Variants in MCTP2 observed in about 807,000 individuals in gnomAD.
MCTP2 encodes the protein multiple C2 and transmembrane domain-containing protein 2.
A neutral mutation model predicts 111.6 loss-of-function variants in MCTP2; 132 were observed. The observed-to-expected ratio is 1.18, with a 90% confidence interval of 1.03 to 1.37. The LOEUF is 1.37. MCTP2 is among the 40% of genes most tolerant of loss of function. The pLI is 0.00. For missense variants in MCTP2, 1,183 were observed against 1,067.9 expected, an observed-to-expected ratio of 1.11 and a Z score of -1.50; for synonymous variants, 395 against 387.7, an observed-to-expected ratio of 1.02 and a Z score of -0.22.
chr15:94,250,629 G>A (rs1355237587), intron 1 of MCTP2, among the ~76,000 whole-genome samples: 1 of 152,134 alleles, frequency 6.6e-6, no homozygotes. Context: ...TCTATTAGCT[G>A]AACAGCAGTC....
chr15:94,451,190 A>G (rs2152520449), intron 19 of MCTP2, among the ~76,000 whole-genome samples: 1 of 152,352 alleles, frequency 6.6e-6, no homozygotes, highest in South Asian at 2.1e-4. Context: ...ATAATGAAAA[A>G]TGGTGGGCTT....
intron 1 of MCTP2, among the ~76,000 whole-genome samples, chr15:94,270,004 A>G (rs8023879): frequency 0.43 from 65,532 of 151,978 alleles, 14,463 homozygotes; most frequent in Admixed American, 0.51. Flanking sequence ...AAATAACAGA[A>G]GCAGGGCACA....
intron 21 of MCTP2, among the ~76,000 whole-genome samples, chr15:94,471,455 T>C (rs1031524931): frequency 1.3e-5 from 2 of 152,136 alleles, no homozygotes; most frequent in African/African-American, 4.8e-5. Context: ...TCCAACAAAG[T>C]AGAATCCTGC....
intron 17 of MCTP2, among the ~76,000 whole-genome samples, chr15:94,436,415 T>A (rs1339455256): frequency 6.6e-6 from 1 of 152,224 alleles, no homozygotes; most frequent in Non-Finnish European, 1.5e-5. Flanking sequence ...CCTTGAAAGA[T>A]GTTTGTTAGG....
intron 4 of MCTP2, among the ~76,000 whole-genome samples, chr15:94,334,003 T>C (rs1417335652): frequency 3.9e-5 from 6 of 152,156 alleles, no homozygotes; most frequent in African/African-American, 1.4e-4. Context: ...AGAAATACTA[T>C]AGAAACAAAT....
intron 4 of MCTP2, among the ~76,000 whole-genome samples, chr15:94,323,812 G>T (rs1039258835): frequency 1.3e-5 from 2 of 152,110 alleles, no homozygotes; most frequent in Non-Finnish European, 2.9e-5. Context: ...CCTGTGTGTT[G>T]TGTTCATCTG....
chr15:94,319,068 C>A (rs932767128), intron 4 of MCTP2, among the ~76,000 whole-genome samples: 2 of 146,058 alleles, frequency 1.4e-5, no homozygotes, highest in Admixed American at 6.9e-5. Flanking sequence ...TTTGGGGATG[C>A]TTTATTGTTA....
rs764601013 is a variant in MCTP2 at position 94,242,943 on chromosome 15, GTAGA to G, written c.-66+11282_-66+11285del. On this transcript the variant is annotated intron_variant, in intron 1 of 22. Coordinates refer to ENST00000357742, the MANE Select transcript of MCTP2 (RefSeq NM_001385001.1). ...CACGTACACATATACACGTGTATAT[GTAGA>G]TACACATATACACGTGTATATGTGT... Among the ~76,000 whole-genome samples, 4 of 135,510 alleles carry G rather than the reference GTAGA, an allele frequency of 3.0e-5. 1 individual carries two copies. Among genetic ancestry groups the G allele is most frequent in the Non-Finnish European group, 6.5e-5 (4 of 61,246 alleles). 88.9% of individuals were successfully genotyped at this position (135,510 alleles called of 152,430 possible).
At chr15:94,234,860 A>G (rs1260725454) in intron 1 of MCTP2, among the ~76,000 whole-genome samples, 1 of 152,294 alleles carries the variant, frequency 6.6e-6, no homozygotes, top group East Asian at 1.9e-4. Flanking sequence ...TAGAGATGCC[A>G]CAGGGGCCTT....
rs538658387 is a variant in MCTP2, at chr15:94,243,962, C to T, written c.-66+12298C>T. Among the ~76,000 whole-genome samples the T allele has an allele frequency of 1.1e-3, 151 of 138,426 alleles. 3 individuals are homozygous for T. Among genetic ancestry groups the T allele is most frequent in the African/African-American group, 3.7e-3 (139 of 38,054 alleles). The allele number at this position is 138,426 out of a possible 152,430, so 90.8% of individuals were successfully genotyped here. ...ACATACATATATGTGTATATATTTA[C>T]ACACACATATGTATACACATACATA... On this transcript the variant is annotated intron_variant, in intron 1 of 22. Coordinates refer to ENST00000357742, the MANE Select transcript of MCTP2 (RefSeq NM_001385001.1).
intron 1 of MCTP2, chr15:94,232,100 AC>A (rs1596108197): frequency 6.6e-6 from 1 of 152,182 alleles, no homozygotes; most frequent in East Asian, 1.9e-4. Context: ...GCTCAACGAC[AC>A]CGGAGCAGAA....
intron 1 of MCTP2, among the ~76,000 whole-genome samples, chr15:94,249,259 C>T (rs528818590): frequency 6.6e-6 from 1 of 152,154 alleles, no homozygotes; most frequent in Admixed American, 6.5e-5. Context: ...CCTGTATTGG[C>T]TGTTGAATAA....
chr15:94,382,431 G>A (rs10852209), intron 12 of MCTP2, among the ~76,000 whole-genome samples: 51,234 of 152,170 alleles, frequency 0.34, 12,495 homozygotes, highest in East Asian at 0.76. Flanking sequence ...ATTGTCTACT[G>A]GCAACTGAAA....
intron 4 of MCTP2, among the ~76,000 whole-genome samples, chr15:94,327,683 T>TG (rs1285983950): frequency 6.6e-6 from 1 of 152,240 alleles, no homozygotes. Flanking sequence ...CTTTGAGTTT[T>TG]GGTAGCTTGT....
intron 4 of MCTP2, among the ~76,000 whole-genome samples, chr15:94,331,800 T>A (rs939561987): frequency 2.6e-5 from 4 of 152,076 alleles, no homozygotes; most frequent in African/African-American, 7.2e-5. Flanking sequence ...GGCAGGTCCA[T>A]TTAGAGGAAG....
intron 1 of MCTP2, among the ~76,000 whole-genome samples, chr15:94,243,922 T>C (rs2071406226): frequency 8.8e-6 from 1 of 113,950 alleles, no homozygotes; most frequent in African/African-American, 3.2e-5. Context: ...TGTATATATT[T>C]ACACATATGT....
chr15:94,468,951 TTACTG>T (rs1462649326), intron 20 of MCTP2, among the ~76,000 whole-genome samples: 1 of 152,172 alleles, frequency 6.6e-6, no homozygotes, highest in Middle Eastern at 3.2e-3. Flanking sequence ...GAGGATGAGA[TTACTG>T]TAGTTCTCCT....
chr15:94,351,589 T>C (rs1256538947), intron 8 of MCTP2, among the ~76,000 whole-genome samples: 2 of 152,236 alleles, frequency 1.3e-5, no homozygotes, highest in East Asian at 3.8e-4. Context: ...ATGGGATTTA[T>C]TGGCACCACG....
intron 1 of MCTP2, among the ~76,000 whole-genome samples, chr15:94,273,330 A>G (rs1270449158): frequency 1.3e-5 from 2 of 152,250 alleles, no homozygotes; most frequent in Admixed American, 1.3e-4. Flanking sequence ...GACTGAAAAC[A>G]TACTGATTTG....
Sources: allele counts gnomAD v4.1 joint callset (sites outside exome capture counted in the v4.1 genomes callset), GRCh38; gene constraint gnomAD v4.1.1; transcripts MANE v1.5; gene names NCBI Gene and HGNC (gene_info 2026-07-23, HGNC 2026-07-21).